ACSBG1: variants seen among roughly 807,000 people sequenced by gnomAD.
ACSBG1 encodes long-chain-fatty-acid--CoA ligase ACSBG1.
In ACSBG1, 39 loss-of-function variants were observed where a neutral mutation model predicts 80.2. The observed-to-expected ratio is 0.49, with a 90% confidence interval of 0.38 to 0.64. The LOEUF (loss-of-function observed/expected upper bound fraction) is 0.64. Ranked by LOEUF, ACSBG1 falls within the 30% of genes least tolerant of loss-of-function variation. The pLI is 0.00. For synonymous variants in ACSBG1, 392 were observed against 379.5 expected (o/e 1.03, Z -0.38); for missense variants, 828 against 966.4 (o/e 0.86, Z 1.90).
In ACSBG1 at chr15:78,178,670, C is replaced by T; in HGVS notation, c.1646G>A (p.Gly549Asp). ...ATCGGCGTCCAGGCGGCCAGCATCA[C>T]CCGTGTGCAGCCAGCCTTCCTCGTC... ...AIDEEGWLHT[G>D]DAGRLDADGF... Residue 549 changes from glycine to aspartate, a missense_variant, in exon 11 of 14, where the codon GGT becomes GAT. This residue lies in a region of ACSBG1 where 271 missense variants were observed against 375.9 expected (regional missense o/e 0.72). Transcript: ENST00000258873. This position sits in a 1 kb window ranked among gnomAD's most constrained non-coding sequence, Gnocchi z 4.3. 1 of 1,614,052 alleles carries T rather than the reference C, an allele frequency of 6.2e-7. No homozygotes were observed.
At chr15:78,215,750 G>GAA (rs1173936391) in intron 1 of ACSBG1, among the ~76,000 whole-genome samples, 1 of 146,562 alleles carries the variant, frequency 6.8e-6, no homozygotes, top group Non-Finnish European at 1.5e-5. Context: ...AAGAAAGAAA[G>GAA]AAAGAAAGAA....
In ACSBG1 at chr15:78,180,778, C is replaced by T; in HGVS notation, c.1230G>A (p.Glu410=). 6.2e-7 allele frequency: 1 copy of T among 1,614,114 alleles called. No individual in the cohort carries two copies. The highest frequency in any genetic ancestry group is 8.5e-7 in the Non-Finnish European group (1 of 1,180,002). ...MLLWAMSVTL[E]QNLTCPGSDL... is the part of the protein sequence containing the mutation. ...ACCTGCCGGGGCAGGTGAGGTTCTG[C>T]TCCAAGGTCACCGACATGGCCCACA... is the stretch of plus-strand genomic sequence containing the variant. Residue 410 remains glutamate (E), a synonymous_variant, in exon 9 of 14, where the codon GAG becomes GAA. Coordinates refer to ENST00000258873, the MANE Select transcript of ACSBG1 (RefSeq NM_015162.5).
chr15:78,221,834 G>C (rs889565797), intron 1 of ACSBG1, among the ~76,000 whole-genome samples: 1 of 152,170 alleles, frequency 6.6e-6, no homozygotes, highest in African/African-American at 2.4e-5. Flanking sequence ...TGTTAACAAG[G>C]CACATCCTGC....
Position 78,178,170 on chromosome 15 carries a change from C to T in ACSBG1, c.1702+444G>A, listed in dbSNP as rs899044024. ...CCATAGGAGAGTGGAGTAAATAAAA[C>T]GATGTCACTAAAGGTGCCATCTTAA... On this transcript the variant is annotated intron_variant, in intron 11 of 13. Transcript: ENST00000258873. This position sits in a 1 kb window ranked among gnomAD's most constrained non-coding sequence, Gnocchi z 4.3. Among the ~76,000 whole-genome samples, 11 of 152,110 alleles carry T rather than the reference C, an allele frequency of 7.2e-5. No homozygotes were observed. The South Asian group carries it at 8.3e-4, about 11-fold the overall frequency.
At chr15:78,221,212 T>G (rs952576150) in intron 1 of ACSBG1, among the ~76,000 whole-genome samples, 19 of 152,046 alleles carry the variant, frequency 1.2e-4, no homozygotes, top group Admixed American at 8.5e-4. Context: ...GGCGCCGGTC[T>G]CTGAGTTCCC....
intron 7 of ACSBG1, 134 bp downstream of exon 7, chr15:78,182,332 C>A: frequency 7.3e-7 from 1 of 1,362,468 alleles, no homozygotes; most frequent in Non-Finnish European, 9.9e-7. Flanking sequence ...GATTGATGGG[C>A]TGTTCTACCT....
chr15:78,193,895 AC>A (rs1443923379), intron 4 of ACSBG1, 36 bp downstream of exon 4: 2 of 1,608,386 alleles, frequency 1.2e-6, no homozygotes, highest in Non-Finnish European at 1.7e-6. Flanking sequence ...CCCACTGCCA[AC>A]CCCCTGGAGA....
chr15:78,232,868 CAG>C (rs1259216805), intron 1 of ACSBG1, among the ~76,000 whole-genome samples: 4 of 152,082 alleles, frequency 2.6e-5, no homozygotes, highest in African/African-American at 9.7e-5. Flanking sequence ...TTAGTAGAGA[CAG>C]AGTTTCATCA....
At chr15:78,175,434 GC>G (rs1337489328) in intron 11 of ACSBG1, among the ~76,000 whole-genome samples, 5 of 152,230 alleles carry the variant, frequency 3.3e-5, no homozygotes, top group Non-Finnish European at 2.9e-5. Flanking sequence ...CCACAGTGCA[GC>G]GGGGCAGTGA....
chr15:78,168,827 T>C lies in ACSBG1; in HGVS notation c.*2617A>G. On this transcript the variant is annotated 3_prime_UTR_variant, in exon 14 of 14. Transcript: ENST00000258873. ...CTAAATGAAAGAGCAGCCGAGTAAC[T>C]TGCCCAGGTGGCATCTCACTGAGGG... 2 of 730,858 alleles carry C rather than the reference T, an allele frequency of 2.7e-6. No individual in the cohort carries two copies. Among genetic ancestry groups the C allele is most frequent in the Middle Eastern group, 2.4e-4 (1 of 4,120 alleles). 45.3% of individuals were successfully genotyped at this position (730,858 alleles called of 1,614,324 possible). A position where few individuals can be genotyped will look rare whatever the true frequency, so the allele number is the denominator to read the frequency against.
In ACSBG1 at chr15:78,193,651, C is replaced by T. The variant is rs749531807; in HGVS notation, c.543-25G>A. 1.9e-6 allele frequency: 3 copies of T among 1,605,340 alleles called. No homozygotes were observed. The African/African-American group carries it at 4.0e-5, about 22-fold the overall frequency. ...ACTGTAGGAGACCCAGGAAGATTCA[C>T]CTTAGGGGAGGTGCAGAGGGGCCAC... On this transcript the variant is annotated intron_variant, in intron 4 of 13. Coordinates refer to ENST00000258873, the MANE Select transcript of ACSBG1 (RefSeq NM_015162.5).
At position 78,177,821 on chromosome 15, in the gene ACSBG1, C is replaced by A. The variant is rs950565138; in HGVS notation, c.1702+793G>T. Among the ~76,000 whole-genome samples the A allele has an allele frequency of 1.3e-5, 2 of 152,154 alleles. No individual in the cohort carries two copies. Among genetic ancestry groups the A allele is most frequent in the Admixed American group, 1.3e-4 (2 of 15,282 alleles). ...ATGAAGCCCTGGTGCAGGATTCCCA[C>A]GTGGATGCTGCGGGCATGACACCAA... On this transcript the variant is annotated intron_variant, in intron 11 of 13. Coordinates refer to ENST00000258873, the MANE Select transcript of ACSBG1 (RefSeq NM_015162.5). This position sits in a 1 kb window ranked among gnomAD's most constrained non-coding sequence, Gnocchi z 4.1.
At chr15:78,196,118 T>C (rs775740809) in intron 2 of ACSBG1, among the ~76,000 whole-genome samples, 1 of 152,132 alleles carries the variant, frequency 6.6e-6, no homozygotes, top group Non-Finnish European at 1.5e-5. Context: ...AGAGAGGTGC[T>C]TGGCACCTCT....
chr15:78,215,072 C>T (rs750912405), intron 1 of ACSBG1, among the ~76,000 whole-genome samples: 1 of 152,030 alleles, frequency 6.6e-6, no homozygotes, highest in Non-Finnish European at 1.5e-5. Context: ...CACCCCAATG[C>T]TCTCTTGCTG....
At chr15:78,215,738 GAAAGAAAGAAAGA>G in intron 1 of ACSBG1, among the ~76,000 whole-genome samples, 1 of 134,570 alleles carries the variant, frequency 7.4e-6, no homozygotes, top group Non-Finnish European at 1.6e-5. Flanking sequence ...AAGAAAGAAA[GAAAGAAAGAAAGA>G]AAGAAAGAAA....
intron 1 of ACSBG1, among the ~76,000 whole-genome samples, chr15:78,220,679 A>G (rs1219982736): frequency 2.6e-5 from 4 of 152,276 alleles, no homozygotes; most frequent in Admixed American, 6.5e-5. Flanking sequence ...ACATTTCTCC[A>G]AAGAAGATAT....
rs756044886 is a variant in ACSBG1 at position 78,234,469 on chromosome 15, G to A, written c.33C>T (p.Cys11=). 1.9e-6 allele frequency: 3 copies of A among 1,611,956 alleles called. No homozygotes were observed. The highest frequency in any genetic ancestry group is 2.5e-6 in the Non-Finnish European group (3 of 1,179,952). ...CCAGCATGCTGGGGTCCCCGTGTGGGCAGCCGTATCCAGCTCCAGAATTGC... is the reference window on the plus strand; with the variant it reads ...CCAGCATGCTGGGGTCCCCGTGTGGACAGCCGTATCCAGCTCCAGAATTGC... MPRNSGAGYG[C]PHGDPSMLDS... Residue 11 remains cysteine (C), a synonymous_variant, in exon 1 of 14, where the codon TGC becomes TGT. Coordinates refer to ENST00000258873, the MANE Select transcript of ACSBG1 (RefSeq NM_015162.5).
At chr15:78,202,525 C>G (rs2075178516) in intron 2 of ACSBG1, among the ~76,000 whole-genome samples, 2 of 152,154 alleles carry the variant, frequency 1.3e-5, no homozygotes, top group Admixed American at 6.6e-5. Flanking sequence ...TAGCCTCTTT[C>G]TAAGCTTCTT....
intron 1 of ACSBG1, among the ~76,000 whole-genome samples, chr15:78,210,090 C>G (rs528181503): frequency 2.6e-5 from 4 of 152,188 alleles, no homozygotes; most frequent in African/African-American, 9.7e-5. Flanking sequence ...GTTGGCAGCA[C>G]CTTCTTGCTG....
Sources: gnomAD v4.1 joint callset for allele counts (sites outside exome capture counted in the v4.1 genomes callset) on GRCh38, gnomAD v4.1.1 for gene constraint, gnomAD v4.1.1 regional missense constraint, Gnocchi (gnomAD v3.1) non-coding constraint, MANE v1.5 for transcripts, NCBI Gene and HGNC (gene_info 2026-07-23, HGNC 2026-07-21) for gene names.